REEP5: variants seen among roughly 807,000 people sequenced by gnomAD.
The protein encoded by REEP5 is receptor expression-enhancing protein 5.
In REEP5, 24 loss-of-function variants were observed where a neutral mutation model predicts 22.4. That is an observed-to-expected ratio of 1.07 (90% CI 0.78 to 1.51). The LOEUF (loss-of-function observed/expected upper bound fraction) is 1.51, where lower values mean the gene tolerates loss of function less well. Among genes scored for constraint, REEP5 ranks in the 40% most tolerant of loss-of-function variants. The pLI, the probability that REEP5 is intolerant of heterozygous loss-of-function variation, is 0.00. For synonymous variants in REEP5, 103 were observed against 88.6 expected (o/e 1.16, Z -0.92); for missense variants, 252 against 233.0 (o/e 1.08, Z -0.53).
chr5:112,913,736 T>C (rs574831596), intron 2 of REEP5, among the ~76,000 whole-genome samples: 1 of 152,238 alleles, frequency 6.6e-6, no homozygotes, highest in African/African-American at 2.4e-5. Flanking sequence ...CAATGCGGAA[T>C]GTGGACAGAC....
intron 3 of REEP5, among the ~76,000 whole-genome samples, chr5:112,889,002 TC>T (rs2150037503): frequency 6.6e-6 from 1 of 150,994 alleles, no homozygotes; most frequent in East Asian, 2.0e-4. Flanking sequence ...ATAAGGAGTT[TC>T]CCCTTTCGCT....
intron 3 of REEP5, among the ~76,000 whole-genome samples, chr5:112,899,814 T>C (rs1299146546): frequency 6.6e-6 from 1 of 152,240 alleles, no homozygotes; most frequent in Non-Finnish European, 1.5e-5. Context: ...TAAAAGTGTT[T>C]CGGGTTTCAC....
intron 2 of REEP5, among the ~76,000 whole-genome samples, chr5:112,902,942 T>C: frequency 6.6e-6 from 1 of 152,182 alleles, no homozygotes; most frequent in South Asian, 2.1e-4. Flanking sequence ...CATGGGTGAA[T>C]AAGAATTTCC....
chr5:112,895,130 T>C (rs925776378), intron 3 of REEP5: 1 of 149,756 alleles, frequency 6.7e-6, no homozygotes, highest in African/African-American at 2.5e-5. Flanking sequence ...TCCCAGCCAC[T>C]CAGGAGGCTG....
At chr5:112,921,903 CTCCGATGCCCACGCTT>C (rs2150050273) in intron 1 of REEP5, 154 bp downstream of exon 1, 1 of 831,618 alleles carries the variant, frequency 1.2e-6, no homozygotes, top group East Asian at 3.6e-5. Flanking sequence ...CCGCGGGGTC[CTCCGATGCCCACGCTT>C]TCCGGGAGGC....
chr5:112,918,565 T>C (rs1047761930), intron 2 of REEP5, among the ~76,000 whole-genome samples: 9 of 152,208 alleles, frequency 5.9e-5, no homozygotes, highest in Non-Finnish European at 8.8e-5. Flanking sequence ...AGTAAATTAC[T>C]GGCAATAGTT....
At position 112,877,407 on chromosome 5, in the gene REEP5, T is replaced by G. The variant is rs1767930911; in HGVS notation, c.*1379A>C. 6.6e-6 allele frequency: 1 copy of G among 152,214 alleles called. No individual in the cohort carries two copies. Among genetic ancestry groups the G allele is most frequent in the Non-Finnish European group, 1.5e-5 (1 of 68,034 alleles). 9.4% of individuals were successfully genotyped at this position (152,214 alleles called of 1,614,324 possible). A position where few individuals can be genotyped will look rare whatever the true frequency, so the allele number is the denominator to read the frequency against. On this transcript the variant is annotated 3_prime_UTR_variant, in exon 5 of 5. Transcript: ENST00000379638. ...TTCAAAAGGACTCTTAACAGTATGG[T>G]GTAAAACTCAGATTTTCTAGTCCAG...
chr5:112,917,436 A>G (rs153561), intron 2 of REEP5, among the ~76,000 whole-genome samples: 83,217 of 152,102 alleles, frequency 0.55, 24,340 homozygotes, highest in African/African-American at 0.77. Context: ...GTGGCAGCCC[A>G]AGTCTTAAGG....
chr5:112,879,146 A>G (rs1268937051), intron 4 of REEP5, among the ~76,000 whole-genome samples: 1 of 152,052 alleles, frequency 6.6e-6, no homozygotes, highest in Non-Finnish European at 1.5e-5. Context: ...AGAAGCAGAG[A>G]TTCCTTAAGA....
At chr5:112,899,344 C>T (rs1018507924) in intron 3 of REEP5, among the ~76,000 whole-genome samples, 43 of 151,996 alleles carry the variant, frequency 2.8e-4, no homozygotes, top group African/African-American at 9.6e-4. Context: ...AGGGTCTCAC[C>T]ATGTTGCCCA....
chr5:112,878,959 C>A (rs954518878), intron 4 of REEP5, 124 bp from the exon 5 acceptor site: 8 of 1,456,482 alleles, frequency 5.5e-6, no homozygotes, highest in South Asian at 4.9e-5. Context: ...TGTTCAGGTG[C>A]GATCATGTTG....
chr5:112,891,849 AAG>A (rs756404826), intron 3 of REEP5: 16 of 1,538,752 alleles, frequency 1.0e-5, no homozygotes, highest in Non-Finnish European at 1.3e-5. Flanking sequence ...AGCTATTGGA[AAG>A]AGAGAGGGAA....
intron 3 of REEP5, chr5:112,892,789 G>T (rs760981548): frequency 6.2e-7 from 1 of 1,613,876 alleles, no homozygotes; most frequent in East Asian, 2.2e-5. Flanking sequence ...CAGGCAGCGG[G>T]GAAGGAGAAA....
chr5:112,913,228 GA>G (rs1373071598), intron 2 of REEP5, among the ~76,000 whole-genome samples: 1 of 152,084 alleles, frequency 6.6e-6, no homozygotes, highest in African/African-American at 2.4e-5. Flanking sequence ...CCGGGAGGTG[GA>G]GGCTGCAGTG....
chr5:112,880,266 T>C (rs1561645354), intron 4 of REEP5, among the ~76,000 whole-genome samples: 2 of 151,920 alleles, frequency 1.3e-5, no homozygotes, highest in Admixed American at 6.6e-5. Flanking sequence ...AAAAGAAAAA[T>C]ATATTTTCTT....
chr5:112,903,696 TA>T (rs1309917261), intron 2 of REEP5, among the ~76,000 whole-genome samples: 1 of 152,212 alleles, frequency 6.6e-6, no homozygotes, highest in Non-Finnish European at 1.5e-5. Flanking sequence ...CTTGTACAGT[TA>T]ATTAGAAGCA....
Position 112,878,512 on chromosome 5 carries a change from T to G in REEP5, c.*274A>C. 1 of 432,906 alleles carries G rather than the reference T, an allele frequency of 2.3e-6. No homozygotes were observed. 26.8% of individuals were successfully genotyped at this position (432,906 alleles called of 1,614,324 possible). On this transcript the variant is annotated 3_prime_UTR_variant, in exon 5 of 5. Coordinates refer to ENST00000379638, the MANE Select transcript of REEP5 (RefSeq NM_005669.5). The stretch of plus-strand genomic sequence containing the variant: ...TATAATTTTATTTTAAGTTTATATT[T>G]CCTGCAGGATAGCAACATACATCTT...
In REEP5 at chr5:112,921,150, G is replaced by C. The variant is rs1171229947; in HGVS notation, c.212+13C>G. 1 of 1,613,246 alleles carries C rather than the reference G, an allele frequency of 6.2e-7. No individual in the cohort carries two copies. On this transcript the variant is annotated intron_variant, in intron 2 of 4. Transcript: ENST00000379638. ...AGGAAGGGAAGGGGACGGCTGCAGG[G>C]TGTGTCACTTACGAGATGTAGGCTG...
chr5:112,910,295 C>T (rs1455382420), intron 2 of REEP5, among the ~76,000 whole-genome samples: 1 of 152,040 alleles, frequency 6.6e-6, no homozygotes, highest in Non-Finnish European at 1.5e-5. Flanking sequence ...GAGCAGGACT[C>T]CATCTCAAAA....
Sources: gnomAD v4.1 joint callset for allele counts (sites outside exome capture counted in the v4.1 genomes callset) on GRCh38, gnomAD v4.1.1 for gene constraint, MANE v1.5 for transcripts, NCBI Gene and HGNC (gene_info 2026-07-23, HGNC 2026-07-21) for gene names.